Variants in KCNH5 observed in about 807,000 individuals in gnomAD.
The protein encoded by KCNH5 is voltage-gated delayed rectifier potassium channel KCNH5.
A neutral mutation model predicts 96.1 loss-of-function variants in KCNH5; 46 were observed. That is an observed-to-expected ratio of 0.48 (90% CI 0.38 to 0.61). KCNH5 has a LOEUF of 0.61. KCNH5 is among the 20% of genes least tolerant of loss of function. The pLI is 0.00. For missense variants in KCNH5, 907 were observed against 1,225.8 expected (o/e 0.74, Z 3.88); for synonymous variants, 439 against 449.8 (o/e 0.98, Z 0.30).
Position 62,946,867 on chromosome 14 carries a change from T to C in KCNH5, c.1369+3266A>G, listed in dbSNP as rs1273344040. Among the ~76,000 whole-genome samples, 3 of 151,978 alleles carry C rather than the reference T, an allele frequency of 2.0e-5. No homozygotes were observed. In the East Asian group the frequency reaches 5.8e-4, roughly 29 times the overall value. ...TTTAATTTATATAACATACTCAAAA[T>C]CACAAAATTATAAAGATGGAGAGCA... On this transcript the variant is annotated intron_variant, in intron 7 of 10. Coordinates refer to ENST00000322893, the MANE Select transcript of KCNH5 (RefSeq NM_139318.5).
intron 6 of KCNH5, among the ~76,000 whole-genome samples, chr14:62,974,289 T>C (rs1448562791): frequency 6.6e-6 from 1 of 152,166 alleles, no homozygotes; most frequent in Non-Finnish European, 1.5e-5. Context: ...CCTCCTATGC[T>C]ACCAAACAGC....
chr14:62,709,466 C>G (rs1300492647), intron 10 of KCNH5, among the ~76,000 whole-genome samples: 1 of 152,070 alleles, frequency 6.6e-6, no homozygotes, highest in Non-Finnish European at 1.5e-5. Context: ...GCAAACTGCT[C>G]TCTATTGAAT....
At chr14:62,847,160 T>C (rs1265981214) in intron 8 of KCNH5, among the ~76,000 whole-genome samples, 2 of 147,784 alleles carry the variant, frequency 1.4e-5, no homozygotes, top group South Asian at 2.1e-4. Context: ...TTTTTATATA[T>C]ATATATTATA....
At chr14:62,716,431 CA>C (rs1435975462) in intron 10 of KCNH5, among the ~76,000 whole-genome samples, 1 of 152,138 alleles carries the variant, frequency 6.6e-6, no homozygotes, top group Admixed American at 6.5e-5. Flanking sequence ...AGCAGTGGTC[CA>C]GCCCTACCTA....
chr14:62,814,084 C>A (rs1886924969), intron 8 of KCNH5, among the ~76,000 whole-genome samples: 1 of 152,130 alleles, frequency 6.6e-6, no homozygotes, highest in Non-Finnish European at 1.5e-5. Context: ...TAAAAGGCTG[C>A]CGCAACCAGT....
chr14:62,876,476 T>C (rs1888374676), intron 7 of KCNH5, among the ~76,000 whole-genome samples: 1 of 152,140 alleles, frequency 6.6e-6, no homozygotes, highest in Non-Finnish European at 1.5e-5. Context: ...AAAAGCAATA[T>C]GAACAATACA....
chr14:62,730,000 G>A (rs1029822071), intron 10 of KCNH5, among the ~76,000 whole-genome samples: 8 of 152,182 alleles, frequency 5.3e-5, no homozygotes, highest in Non-Finnish European at 8.8e-5. Context: ...ACTTAAATTT[G>A]GGGATAGGTT....
intron 7 of KCNH5, among the ~76,000 whole-genome samples, chr14:62,879,045 A>G (rs1247734488): frequency 6.6e-6 from 1 of 152,162 alleles, no homozygotes; most frequent in East Asian, 1.9e-4. Context: ...CAATTTTACA[A>G]TACTAGTCAG....
At chr14:62,955,448 A>G (rs1166567440) in intron 6 of KCNH5, among the ~76,000 whole-genome samples, 1 of 152,208 alleles carries the variant, frequency 6.6e-6, no homozygotes, top group Non-Finnish European at 1.5e-5. Context: ...AAAATTCAGA[A>G]CAATCCTATG....
intron 8 of KCNH5, among the ~76,000 whole-genome samples, chr14:62,822,525 G>A (rs1156606694): frequency 2.6e-5 from 4 of 152,038 alleles, no homozygotes; most frequent in Admixed American, 2.6e-4. Context: ...AGGAAAGATA[G>A]TATTTCAACC....
chr14:62,853,923 C>T (rs1393270462), intron 7 of KCNH5, among the ~76,000 whole-genome samples: 2 of 149,638 alleles, frequency 1.3e-5, no homozygotes, highest in Admixed American at 6.8e-5. Context: ...AGGAGAATCG[C>T]TTGAACCCGG....
chr14:63,045,299 A>AGGG lies in KCNH5; in HGVS notation c.-116_-114dup. The AGGG allele has an allele frequency of 1.1e-6, 1 of 871,472 alleles. No individual in the cohort carries two copies. Among genetic ancestry groups the AGGG allele is most frequent in the Non-Finnish European group, 1.8e-6 (1 of 542,220 alleles). The allele number at this position is 871,472 out of a possible 1,614,324, so 54.0% of individuals were successfully genotyped here. On this transcript the variant is annotated 5_prime_UTR_variant, in exon 1 of 11. Coordinates refer to ENST00000322893, the MANE Select transcript of KCNH5 (RefSeq NM_139318.5). Reference sequence around the variant, plus strand: ...GAAGAGAAGATTGAGCCGAAAGAAGAGGGGGCGCGGCGGCGGCGACGGGGT... The same window carrying AGGG: ...GAAGAGAAGATTGAGCCGAAAGAAGAGGGGGGGGCGCGGCGGCGGCGACGGGGT...
intron 7 of KCNH5, among the ~76,000 whole-genome samples, chr14:62,908,376 T>A (rs1889071323): frequency 1.3e-5 from 2 of 152,140 alleles, no homozygotes; most frequent in African/African-American, 4.8e-5. Context: ...CTGCTTCCTG[T>A]TCACCCGCCT....
intron 10 of KCNH5, among the ~76,000 whole-genome samples, chr14:62,722,799 T>A (rs1458919187): frequency 6.6e-6 from 1 of 152,178 alleles, no homozygotes; most frequent in Non-Finnish European, 1.5e-5. Context: ...GGGCAATTAT[T>A]ATTATTTCCA....
intron 7 of KCNH5, among the ~76,000 whole-genome samples, chr14:62,863,885 A>C (rs1888083822): frequency 6.6e-6 from 1 of 152,092 alleles, no homozygotes; most frequent in Non-Finnish European, 1.5e-5. Flanking sequence ...ACTTTTTTAT[A>C]TGTATCTGAA....
intron 7 of KCNH5, among the ~76,000 whole-genome samples, chr14:62,948,370 A>C (rs113509370): frequency 0.054 from 8,142 of 152,130 alleles, 731 homozygotes; most frequent in African/African-American, 0.19. Flanking sequence ...ATCAGAGAAT[A>C]CTACAAACAC....
At chr14:63,036,498 G>A (rs1354350896) in intron 1 of KCNH5, among the ~76,000 whole-genome samples, 10 of 134,394 alleles carry the variant, frequency 7.4e-5, no homozygotes, top group African/African-American at 2.5e-4. Flanking sequence ...AGAAACGGGA[G>A]ATACAAAAAA....
intron 7 of KCNH5, among the ~76,000 whole-genome samples, chr14:62,936,371 A>T (rs1181072176): frequency 6.6e-6 from 1 of 152,132 alleles, no homozygotes; most frequent in East Asian, 1.9e-4. Flanking sequence ...AGAGATGGAC[A>T]ATGCAGAAGA....
chr14:62,817,700 TATA>T (rs1397437321), intron 8 of KCNH5, among the ~76,000 whole-genome samples: 2 of 147,512 alleles, frequency 1.4e-5, no homozygotes, highest in South Asian at 2.1e-4. Flanking sequence ...ATATATTCTA[TATA>T]ATAATATATA....
Sources: allele counts gnomAD v4.1 joint callset (sites outside exome capture counted in the v4.1 genomes callset), GRCh38; gene constraint gnomAD v4.1.1; transcripts MANE v1.5; gene names NCBI Gene and HGNC (gene_info 2026-07-23, HGNC 2026-07-21).